The following RHOA variants were observed in gnomAD, a reference collection of about 807,000 sequenced individuals.
The protein encoded by RHOA is ras homolog family member A, also known as transforming protein RhoA.
Under a neutral mutation model 17.5 loss-of-function variants are expected in RHOA, and 3 were observed. The observed-to-expected ratio is 0.17, with a 90% confidence interval of 0.08 to 0.44. RHOA has a LOEUF of 0.44. Among genes scored for constraint, RHOA ranks in the 20% least tolerant of loss-of-function variants. RHOA has a pLI of 0.99. For missense variants in RHOA, 56 were observed against 242.3 expected, an observed-to-expected ratio of 0.23 and a Z score of 5.10; for synonymous variants, 98 against 88.4, an observed-to-expected ratio of 1.11 and a Z score of -0.61.
intron 2 of RHOA, among the ~76,000 whole-genome samples, chr3:49,370,082 TAA>T (rs140587482): frequency 3.5e-5 from 5 of 141,888 alleles, no homozygotes; most frequent in African/African-American, 2.6e-5. Context: ...AAACTCCATT[TAA>T]AAAAAAAAAA....
At chr3:49,383,278 G>A (rs1256221372) in intron 1 of RHOA, among the ~76,000 whole-genome samples, 1 of 151,686 alleles carries the variant, frequency 6.6e-6, no homozygotes, top group African/African-American at 2.4e-5. Flanking sequence ...AAATTAGCCG[G>A]GCATGGTGGC....
At chr3:49,388,430 T>G (rs891455755) in intron 1 of RHOA, among the ~76,000 whole-genome samples, 3 of 152,176 alleles carry the variant, frequency 2.0e-5, no homozygotes, top group African/African-American at 7.2e-5. Flanking sequence ...CAAGTCAAAG[T>G]GATTTCCTGG....
rs551567212 is a variant in RHOA at position 49,409,602 on chromosome 3, A to C, written c.-3+2218T>G. 1.4e-4 allele frequency among the ~76,000 whole-genome samples: 22 copies of C among 152,230 alleles called. No individual in the cohort carries two copies. In the East Asian group the frequency reaches 4.2e-3, roughly 29 times the overall value. On this transcript the variant is annotated intron_variant, in intron 1 of 4. Transcript: ENST00000418115. ...CATATATCTCTCAGCTCTCTAAGACAATTAAAAAGACGCAAACTAGCACCT... is the reference window on the plus strand; with the variant it reads ...CATATATCTCTCAGCTCTCTAAGACCATTAAAAAGACGCAAACTAGCACCT...
chr3:49,359,679 G>C lies in RHOA; in HGVS notation c.*530C>G. ...GCACTAATTACACAGTAACTATAAG[G>C]TAACTAACATGAAACCACAGAACTG... On this transcript the variant is annotated 3_prime_UTR_variant, in exon 5 of 5. Coordinates refer to ENST00000418115, the MANE Select transcript of RHOA (RefSeq NM_001664.4). 4.6e-6 allele frequency: 1 copy of C among 217,752 alleles called. No individual in the cohort carries two copies. The highest frequency in any genetic ancestry group is 6.9e-5 in the East Asian group (1 of 14,446). The allele number at this position is 217,752 out of a possible 1,614,324, so 13.5% of individuals were successfully genotyped here. A position where few individuals can be genotyped will look rare whatever the true frequency, so the allele number is the denominator to read the frequency against.
chr3:49,401,370 C>T (rs7648995), intron 1 of RHOA, among the ~76,000 whole-genome samples: 36,126 of 151,674 alleles, frequency 0.24, 4,602 homozygotes, highest in Middle Eastern at 0.29. Context: ...AATATGAAAA[C>T]GGACAGGCAA....
chr3:49,362,045 G>A (rs1240024447), intron 4 of RHOA, among the ~76,000 whole-genome samples: 2 of 151,914 alleles, frequency 1.3e-5, no homozygotes. Context: ...AAATTAGCCG[G>A]TCATGGTGGA....
intron 1 of RHOA, among the ~76,000 whole-genome samples, chr3:49,411,022 G>A (rs891547634): frequency 6.6e-6 from 1 of 152,214 alleles, no homozygotes; most frequent in Non-Finnish European, 1.5e-5. Flanking sequence ...CGTAACTGTA[G>A]ATCCAATCAG....
intron 3 of RHOA, chr3:49,365,334 A>AG (rs2048038484): frequency 6.6e-6 from 1 of 151,736 alleles, no homozygotes; most frequent in Non-Finnish European, 1.5e-5. Context: ...TAGTAGAGAC[A>AG]GGGATTCACC....
intron 1 of RHOA, among the ~76,000 whole-genome samples, chr3:49,395,293 G>C (rs1377527601): frequency 6.6e-6 from 1 of 151,890 alleles, no homozygotes; most frequent in East Asian, 1.9e-4. Flanking sequence ...TTGAAAATAA[G>C]GGTGGAAAGA....
rs2107830079 is a variant in RHOA, at chr3:49,362,547, C to T, written c.357G>A (p.Lys119=). ...NVPIILVGNK[K]DLRNDEHTRR... Reference sequence around the variant, plus strand: ...TTGTGTGCTCATCATTCCGAAGATCCTTCTTATTCCCAACCAGGATGATGG... The same window carrying T: ...TTGTGTGCTCATCATTCCGAAGATCTTTCTTATTCCCAACCAGGATGATGG... Residue 119 remains lysine (K), a synonymous_variant, in exon 4 of 5, where the codon AAG becomes AAA. Coordinates refer to ENST00000418115, the MANE Select transcript of RHOA (RefSeq NM_001664.4). 1.9e-6 allele frequency: 3 copies of T among 1,613,694 alleles called. No individual in the cohort carries two copies. Among genetic ancestry groups the T allele is most frequent in the East Asian group, 2.2e-5 (1 of 44,868 alleles).
At chr3:49,392,160 C>CA (rs985026035) in intron 1 of RHOA, among the ~76,000 whole-genome samples, 1 of 151,930 alleles carries the variant, frequency 6.6e-6, no homozygotes, top group African/African-American at 2.4e-5. Context: ...CAAACAAAAA[C>CA]AAAAAAACAA....
chr3:49,367,342 CAAAAAAAAAAA>C lies in RHOA; in HGVS notation c.277+1075_277+1085del, dbSNP rs62926260. Among the ~76,000 whole-genome samples, 78 of 80,478 alleles carry C rather than the reference CAAAAAAAAAAA, an allele frequency of 9.7e-4. 1 individual carries two copies. The highest frequency in any genetic ancestry group is 6.8e-3 in the Middle Eastern group (1 of 146). 52.8% of individuals were successfully genotyped at this position (80,478 alleles called of 152,430 possible). A position where few individuals can be genotyped will look rare whatever the true frequency, so the allele number is the denominator to read the frequency against. ...TGGGAGACAGAGCAAGACTCCCTCT[CAAAAAAAAAAA>C]AAAAAAAAAAAAAGAATACTGACTT... On this transcript the variant is annotated intron_variant, in intron 3 of 4. Transcript: ENST00000418115.
chr3:49,360,529 A>G, intron 4 of RHOA, 147 bp from the exon 5 acceptor site: 2 of 777,122 alleles, frequency 2.6e-6, no homozygotes, highest in Non-Finnish European at 2.0e-6. Context: ...GGGCAATGGC[A>G]TGATCTCAGC....
At chr3:49,383,118 G>T (rs1257613920) in intron 1 of RHOA, among the ~76,000 whole-genome samples, 2 of 151,818 alleles carry the variant, frequency 1.3e-5, no homozygotes, top group African/African-American at 4.8e-5. Flanking sequence ...ACCCTACCTA[G>T]AAGACATTCA....
intron 3 of RHOA, among the ~76,000 whole-genome samples, chr3:49,363,632 A>C (rs2048008014): frequency 6.6e-6 from 1 of 151,822 alleles, no homozygotes. Flanking sequence ...TGGGTGGATC[A>C]CCAGAGGTCA....
intron 1 of RHOA, among the ~76,000 whole-genome samples, chr3:49,395,021 G>A (rs539041327): frequency 2.6e-4 from 39 of 151,978 alleles, no homozygotes; most frequent in African/African-American, 8.0e-4. Flanking sequence ...AGGCCGAGGC[G>A]GGCAGATCAC....
At chr3:49,360,989 CT>C (rs1424315230) in intron 4 of RHOA, 5 of 287,120 alleles carry the variant, frequency 1.7e-5, no homozygotes. Context: ...AGGGGAATCG[CT>C]TAAATCTGGG....
At chr3:49,401,041 C>CAAAAAAAAAAAAAAAAAAAAAAAAAA (rs57354041) in intron 1 of RHOA, among the ~76,000 whole-genome samples, 1 of 67,584 alleles carries the variant, frequency 1.5e-5, no homozygotes, top group Non-Finnish European at 2.6e-5. Flanking sequence ...GACTCCGTCT[C>CAAAAAAAAAAAAAAAAAAAAAAAAAA]AAAAAAAAAA....
chr3:49,382,857 C>CATG (rs2048338965), intron 1 of RHOA, among the ~76,000 whole-genome samples: 2 of 151,922 alleles, frequency 1.3e-5, no homozygotes, highest in South Asian at 4.2e-4. Flanking sequence ...GAGTTCGAGA[C>CATG]AAGCCTGACC....
Sources: gnomAD v4.1 joint callset for allele counts (sites outside exome capture counted in the v4.1 genomes callset) on GRCh38, gnomAD v4.1.1 for gene constraint, MANE v1.5 for transcripts, NCBI Gene and HGNC (gene_info 2026-07-23, HGNC 2026-07-21) for gene names.